The following EPB41L4A variants were observed in gnomAD, a reference collection of about 807,000 sequenced individuals.
EPB41L4A encodes erythrocyte membrane protein band 4.1 like 4A, also known as band 4.1-like protein 4A.
EPB41L4A carries 100 observed loss-of-function variants against 108.6 expected under a neutral mutation model. That is an observed-to-expected ratio of 0.92 (90% CI 0.78 to 1.09). The LOEUF is 1.09. Among genes scored for constraint, EPB41L4A ranks in the 50% least tolerant of loss-of-function variants. The pLI, the probability that EPB41L4A is intolerant of heterozygous loss-of-function variation, is 0.00. For synonymous variants in EPB41L4A, 319 were observed against 289.0 expected (o/e 1.10, Z -1.05); for missense variants, 1,030 against 842.7 (o/e 1.22, Z -2.75).
At chr5:112,248,598 C>A (rs58264361) in intron 9 of EPB41L4A, among the ~76,000 whole-genome samples, 7 of 152,062 alleles carry the variant, frequency 4.6e-5, no homozygotes, top group African/African-American at 9.7e-5. Context: ...CTCAAACCCC[C>A]AATTCCATCA....
intron 1 of EPB41L4A, among the ~76,000 whole-genome samples, chr5:112,348,020 T>C (rs1051721343): frequency 6.6e-6 from 1 of 152,246 alleles, no homozygotes; most frequent in African/African-American, 2.4e-5. Context: ...GCTTCTCTAC[T>C]ATGTGGCTCA....
intron 2 of EPB41L4A, among the ~76,000 whole-genome samples, chr5:112,295,644 C>T (rs1170909663): frequency 6.6e-6 from 1 of 152,264 alleles, no homozygotes; most frequent in Non-Finnish European, 1.5e-5. Context: ...CTGATGTTAA[C>T]AAAGTTGTCT....
chr5:112,308,029 C>A (rs1754806223), intron 1 of EPB41L4A, among the ~76,000 whole-genome samples: 1 of 152,164 alleles, frequency 6.6e-6, no homozygotes, highest in South Asian at 2.1e-4. Context: ...AGATATTTCA[C>A]TTTATCTCTT....
At chr5:112,172,411 T>C (rs1196490807) in intron 18 of EPB41L4A, among the ~76,000 whole-genome samples, 2 of 151,530 alleles carry the variant, frequency 1.3e-5, no homozygotes, top group Non-Finnish European at 2.9e-5. Context: ...GCTTAGGAGG[T>C]TGAGGCATGA....
At chr5:112,242,790 G>A (rs553651515) in intron 9 of EPB41L4A, among the ~76,000 whole-genome samples, 1 of 152,304 alleles carries the variant, frequency 6.6e-6, no homozygotes, top group South Asian at 2.1e-4. Flanking sequence ...AGGCTTGAAA[G>A]CAACATTAAT....
At chr5:112,390,464 C>T (rs1244926408) in intron 1 of EPB41L4A, among the ~76,000 whole-genome samples, 1 of 152,142 alleles carries the variant, frequency 6.6e-6, no homozygotes, top group Non-Finnish European at 1.5e-5. Flanking sequence ...AGTCCGAGAT[C>T]GAGCTGTGAG....
chr5:112,356,322 T>C (rs953579344), intron 1 of EPB41L4A, among the ~76,000 whole-genome samples: 2 of 152,166 alleles, frequency 1.3e-5, no homozygotes, highest in Non-Finnish European at 2.9e-5. Context: ...CATCAAAAAC[T>C]TGATACTTAA....
chr5:112,151,719 T>C (rs1203066567), intron 12 of EPB41L4A, among the ~76,000 whole-genome samples: 1 of 149,274 alleles, frequency 6.7e-6, no homozygotes, highest in Non-Finnish European at 1.5e-5. Context: ...CATATTATTT[T>C]ATATATTTAG....
intron 18 of EPB41L4A, among the ~76,000 whole-genome samples, chr5:112,181,313 T>C (rs1472469741): frequency 6.6e-6 from 1 of 151,788 alleles, no homozygotes; most frequent in Non-Finnish European, 1.5e-5. Flanking sequence ...TAGCCGGGCG[T>C]GGTGGCGGGC....
chr5:112,204,631 G>A, intron 14 of EPB41L4A, 143 bp from the exon 15 acceptor site: 1 of 493,486 alleles, frequency 2.0e-6, no homozygotes, highest in Admixed American at 3.1e-5. Flanking sequence ...TTGCTGACAA[G>A]ATTTATTAAA....
intron 1 of EPB41L4A, among the ~76,000 whole-genome samples, chr5:112,415,150 T>G (rs1762637524): frequency 1.3e-5 from 2 of 152,190 alleles, no homozygotes; most frequent in African/African-American, 4.8e-5. Flanking sequence ...TGCATAAAAT[T>G]TAAGCCCTCG....
At chr5:112,280,228 C>A (rs1314818662) in intron 3 of EPB41L4A, 44 bp downstream of exon 3, 1 of 1,555,834 alleles carries the variant, frequency 6.4e-7, no homozygotes. Context: ...ACTTTGTCAT[C>A]GTTTTCAAGC....
intron 18 of EPB41L4A, 118 bp downstream of exon 18, chr5:112,183,898 T>C (rs893086895): frequency 2.4e-6 from 3 of 1,274,568 alleles, no homozygotes; most frequent in African/African-American, 1.5e-5. Context: ...AAGGTAAATA[T>C]GACAAATAAA....
At chr5:112,226,075 G>T (rs1471937823) in intron 12 of EPB41L4A, among the ~76,000 whole-genome samples, 3 of 152,140 alleles carry the variant, frequency 2.0e-5, no homozygotes, top group Non-Finnish European at 4.4e-5. Context: ...AGATACTGTG[G>T]GACTATGGAA....
chr5:112,292,143 C>T (rs2150537200), intron 2 of EPB41L4A, among the ~76,000 whole-genome samples: 1 of 152,220 alleles, frequency 6.6e-6, no homozygotes, highest in East Asian at 1.9e-4. Context: ...TCCTTGAGAC[C>T]AGAGACCTTG....
intron 1 of EPB41L4A, among the ~76,000 whole-genome samples, chr5:112,354,834 T>C (rs895274173): frequency 1.3e-5 from 2 of 152,230 alleles, no homozygotes; most frequent in African/African-American, 2.4e-5. Flanking sequence ...ATGCCAAGAC[T>C]CTACTAGAAA....
At chr5:112,220,939 C>CT (rs1347397376) in intron 12 of EPB41L4A, among the ~76,000 whole-genome samples, 1 of 152,182 alleles carries the variant, frequency 6.6e-6, no homozygotes, top group Non-Finnish European at 1.5e-5. Context: ...ACCCTTTTGT[C>CT]CTCTAGTCAT....
intron 2 of EPB41L4A, among the ~76,000 whole-genome samples, chr5:112,299,659 A>G (rs547260963): frequency 1.9e-3 from 286 of 152,252 alleles, no homozygotes; most frequent in Non-Finnish European, 3.1e-3. Flanking sequence ...TATTATGTAA[A>G]TATCTGTTAA....
rs538919426 is a variant in EPB41L4A at position 112,164,222 on chromosome 5, C to T, written c.*768G>A. ...AAATAACTGGTGGAACTTAACACCA[C>T]AAAATAAAGTATTATAAAGAACTTT... On this transcript the variant is annotated 3_prime_UTR_variant, in exon 23 of 23. Coordinates refer to ENST00000261486, the MANE Select transcript of EPB41L4A (RefSeq NM_022140.5). The T allele has an allele frequency of 6.6e-6, 1 of 152,296 alleles. No individual in the cohort carries two copies. The highest frequency in any genetic ancestry group is 1.9e-4 in the East Asian group (1 of 5,180). 9.4% of individuals were successfully genotyped at this position (152,296 alleles called of 1,614,324 possible).
Sources: allele counts gnomAD v4.1 joint callset (sites outside exome capture counted in the v4.1 genomes callset), GRCh38; gene constraint gnomAD v4.1.1; transcripts MANE v1.5; gene names NCBI Gene and HGNC (gene_info 2026-07-23, HGNC 2026-07-21).